Variants in UBL3 observed in about 807,000 individuals in gnomAD.
The protein encoded by UBL3 is ubiquitin-like protein 3.
In UBL3, 6 loss-of-function variants were observed where a neutral mutation model predicts 18.4. That is an observed-to-expected ratio of 0.33 (90% CI 0.18 to 0.64). The LOEUF is 0.64. Ranked by LOEUF, UBL3 falls within the 30% of genes least tolerant of loss-of-function variation. The pLI is 0.76. For synonymous variants in UBL3, 49 were observed against 46.6 expected, an observed-to-expected ratio of 1.05 and a Z score of -0.21; for missense variants, 109 against 142.9, an observed-to-expected ratio of 0.76 and a Z score of 1.21.
At chr13:29,820,296 C>A (rs1489353486) in intron 1 of UBL3, among the ~76,000 whole-genome samples, 2 of 151,796 alleles carry the variant, frequency 1.3e-5, no homozygotes, top group African/African-American at 4.8e-5. Flanking sequence ...CTTGCCTCAG[C>A]CTCCCAAGTA....
rs138227402 is a variant in UBL3 at position 29,812,669 on chromosome 13, C to T, written c.28-35406G>A. ...TATATGAGATTCAGTTACCAGAAAA[C>T]CTTAAGCATGTTTGGAACTTGGATA... is the stretch of plus-strand genomic sequence containing the variant. On this transcript the variant is annotated intron_variant, in intron 1 of 4. Transcript: ENST00000380680. 7.2e-5 allele frequency among the ~76,000 whole-genome samples: 11 copies of T among 151,972 alleles called. No homozygotes were observed. In the East Asian group the frequency reaches 2.1e-3, roughly 29 times the overall value.
At chr13:29,830,330 A>G (rs1163880873) in intron 1 of UBL3, among the ~76,000 whole-genome samples, 1 of 152,236 alleles carries the variant, frequency 6.6e-6, no homozygotes, top group African/African-American at 2.4e-5. Flanking sequence ...TGCAGTACAT[A>G]CAACTTATCA....
At chr13:29,835,125 A>AAT (rs59643985) in intron 1 of UBL3, among the ~76,000 whole-genome samples, 15 of 23,426 alleles carry the variant, frequency 6.4e-4, no homozygotes, top group African/African-American at 9.4e-4. Flanking sequence ...TATATATATA[A>AAT]ATATATATAT....
Position 29,835,136 on chromosome 13 carries a change from ATATATATATAT to A in UBL3, c.27+14365_27+14375del, listed in dbSNP as rs1566001088. Among the ~76,000 whole-genome samples the A allele has an allele frequency of 4.7e-3, 41 of 8,730 alleles. 1 individual carries two copies. Among genetic ancestry groups the A allele is most frequent in the East Asian group, 0.015 (4 of 266 alleles). The allele number at this position is 8,730 out of a possible 152,430, so 5.7% of individuals were successfully genotyped here. Reference sequence around the variant, plus strand: ...TATATATATATATAAATATATATATATATATATATATATATATATATATATATATATATATA... The same window carrying A: ...TATATATATATATAAATATATATATAATATATATATATATATATATATATA... On this transcript the variant is annotated intron_variant, in intron 1 of 4. Coordinates refer to ENST00000380680, the MANE Select transcript of UBL3 (RefSeq NM_007106.4).
At chr13:29,830,815 C>A (rs1364857535) in intron 1 of UBL3, among the ~76,000 whole-genome samples, 1 of 152,136 alleles carries the variant, frequency 6.6e-6, no homozygotes, top group Non-Finnish European at 1.5e-5. Context: ...CATACTGAAT[C>A]CTTCTATGCC....
chr13:29,809,092 G>A (rs1877971789), intron 1 of UBL3, among the ~76,000 whole-genome samples: 1 of 152,124 alleles, frequency 6.6e-6, no homozygotes, highest in Non-Finnish European at 1.5e-5. Context: ...TACACATGAT[G>A]TAAAACATAG....
intron 1 of UBL3, among the ~76,000 whole-genome samples, chr13:29,824,731 T>C (rs527711064): frequency 1.3e-5 from 2 of 152,354 alleles, no homozygotes; most frequent in African/African-American, 2.4e-5. Context: ...TTTGTGAATT[T>C]TGGCTTTTGT....
At chr13:29,832,213 T>C (rs1025057773) in intron 1 of UBL3, among the ~76,000 whole-genome samples, 1 of 152,110 alleles carries the variant, frequency 6.6e-6, no homozygotes, top group Non-Finnish European at 1.5e-5. Flanking sequence ...GAGAAACACA[T>C]AAAAACACTT....
chr13:29,798,600 A>G (rs1166291706), intron 1 of UBL3, among the ~76,000 whole-genome samples: 1 of 152,210 alleles, frequency 6.6e-6, no homozygotes, highest in Non-Finnish European at 1.5e-5. Flanking sequence ...TTTTCACAGC[A>G]TTTAAGCCTT....
In UBL3 at chr13:29,799,221, C is replaced by A. The variant is rs562782441; in HGVS notation, c.28-21958G>T. ...TTGCCACCTTCCCCTTCCCCCTGCC[C>A]CCGGCAAAGTTGTGGCAATAAAAAA... On this transcript the variant is annotated intron_variant, in intron 1 of 4. Transcript: ENST00000380680. Among the ~76,000 whole-genome samples the A allele has an allele frequency of 2.1e-3, 316 of 152,310 alleles. 1 individual carries two copies. Among genetic ancestry groups the A allele is most frequent in the Non-Finnish European group, 3.5e-3 (235 of 68,022 alleles).
At position 29,765,388 on chromosome 13, in the gene UBL3, A is replaced by G. The variant is rs1333466450; in HGVS notation, c.*1867T>C. ...ATATTTAACATCTCTTGAAGATAACATTTTAGTGATAACGGAGACTACATA... is the reference window on the plus strand; with the variant it reads ...ATATTTAACATCTCTTGAAGATAACGTTTTAGTGATAACGGAGACTACATA... On this transcript the variant is annotated 3_prime_UTR_variant, in exon 5 of 5. Transcript: ENST00000380680. 2.0e-5 allele frequency: 3 copies of G among 152,180 alleles called. No homozygotes were observed. The highest frequency in any genetic ancestry group is 7.2e-5 in the African/African-American group (3 of 41,472). 9.4% of individuals were successfully genotyped at this position (152,180 alleles called of 1,614,324 possible). A position where few individuals can be genotyped will look rare whatever the true frequency, so the allele number is the denominator to read the frequency against.
chr13:29,771,095 T>G (rs939905062), intron 3 of UBL3, among the ~76,000 whole-genome samples: 2 of 152,164 alleles, frequency 1.3e-5, no homozygotes, highest in African/African-American at 4.8e-5. Flanking sequence ...TCTTATTCAA[T>G]CCTGTATTCC....
chr13:29,795,093 G>A (rs1409812776), intron 1 of UBL3, among the ~76,000 whole-genome samples: 1 of 152,178 alleles, frequency 6.6e-6, no homozygotes, highest in African/African-American at 2.4e-5. Context: ...CTCATGAATG[G>A]AGTTAGTGAT....
chr13:29,774,282 C>A (rs1037552516), intron 2 of UBL3, among the ~76,000 whole-genome samples: 3 of 151,912 alleles, frequency 2.0e-5, no homozygotes, highest in Admixed American at 6.6e-5. Flanking sequence ...AAAAGTATTT[C>A]TTTTACCTTA....
chr13:29,844,224 C>T (rs1045735965), intron 1 of UBL3, among the ~76,000 whole-genome samples: 3 of 152,166 alleles, frequency 2.0e-5, no homozygotes, highest in African/African-American at 7.2e-5. Context: ...AACCTCACAG[C>T]CAATTCACAT....
chr13:29,835,114 ATATATATATAAATATATATAT>A (rs1878901011), intron 1 of UBL3, among the ~76,000 whole-genome samples: 1 of 30,470 alleles, frequency 3.3e-5, no homozygotes, highest in Non-Finnish European at 5.2e-5. Flanking sequence ...ATAAATATAT[ATATATATATAAATATATATAT>A]ATATATATAT....
chr13:29,801,787 G>A (rs558783696), intron 1 of UBL3, among the ~76,000 whole-genome samples: 2 of 152,298 alleles, frequency 1.3e-5, no homozygotes, highest in South Asian at 4.1e-4. Flanking sequence ...CACCAGGCAG[G>A]GTTCCCTGGC....
At chr13:29,844,651 A>G (rs745758498) in intron 1 of UBL3, among the ~76,000 whole-genome samples, 28 of 152,160 alleles carry the variant, frequency 1.8e-4, no homozygotes, top group Admixed American at 3.3e-4. Context: ...TTATTACCCA[A>G]GGTTTCCAGG....
chr13:29,776,949 T>C (rs899438417), intron 2 of UBL3, among the ~76,000 whole-genome samples: 4 of 151,726 alleles, frequency 2.6e-5, no homozygotes, highest in South Asian at 2.1e-4. Flanking sequence ...GCAGAGCCAT[T>C]GCATTCTGGG....
Sources: gnomAD v4.1 joint callset for allele counts (sites outside exome capture counted in the v4.1 genomes callset) on GRCh38, gnomAD v4.1.1 for gene constraint, MANE v1.5 for transcripts, NCBI Gene and HGNC (gene_info 2026-07-23, HGNC 2026-07-21) for gene names.